Variants in PPP4R4 observed in about 807,000 individuals in gnomAD.
The protein encoded by PPP4R4 is serine/threonine-protein phosphatase 4 regulatory subunit 4.
A neutral mutation model predicts 121.8 loss-of-function variants in PPP4R4; 70 were observed. That is an observed-to-expected ratio of 0.57 (90% CI 0.47 to 0.70). PPP4R4 has a LOEUF of 0.70. PPP4R4 is among the 30% of genes least tolerant of loss of function. The pLI is 0.00. For synonymous variants in PPP4R4, 348 were observed against 355.7 expected (o/e 0.98, Z 0.24); for missense variants, 875 against 1,033.6 (o/e 0.85, Z 2.10).
chr14:94,271,391 T>C (rs1331653810), intron 23 of PPP4R4, among the ~76,000 whole-genome samples: 3 of 152,126 alleles, frequency 2.0e-5, no homozygotes, highest in African/African-American at 7.2e-5. Flanking sequence ...TACATCACAC[T>C]AACAGGCCAA....
intron 3 of PPP4R4, among the ~76,000 whole-genome samples, chr14:94,212,382 A>C (rs1890787960): frequency 6.6e-6 from 1 of 152,212 alleles, no homozygotes; most frequent in Non-Finnish European, 1.5e-5. Context: ...ATAACTAACA[A>C]AGAAGAAAAA....
At chr14:94,267,864 T>C (rs1285602713) in intron 23 of PPP4R4, among the ~76,000 whole-genome samples, 1 of 152,200 alleles carries the variant, frequency 6.6e-6, no homozygotes, top group East Asian at 1.9e-4. Context: ...TCTTTTTCTT[T>C]TTCTTTTTAA....
At chr14:94,240,919 A>C in intron 9 of PPP4R4, 124 bp downstream of exon 9, 1 of 1,209,196 alleles carries the variant, frequency 8.3e-7, no homozygotes, top group Non-Finnish European at 1.1e-6. Context: ...TAAAAATCTT[A>C]TGAGATCTTA....
intron 15 of PPP4R4, among the ~76,000 whole-genome samples, chr14:94,251,488 A>G (rs1159604056): frequency 6.6e-6 from 1 of 152,106 alleles, no homozygotes; most frequent in Non-Finnish European, 1.5e-5. Flanking sequence ...AAAGTAGTAA[A>G]TACAGTCATT....
chr14:94,224,986 T>C (rs1199753941), intron 3 of PPP4R4, among the ~76,000 whole-genome samples: 3 of 152,170 alleles, frequency 2.0e-5, no homozygotes, highest in African/African-American at 7.2e-5. Flanking sequence ...TCTAACGTAT[T>C]GTTAGAAAAC....
At chr14:94,192,367 C>T (rs1889647673) in intron 2 of PPP4R4, among the ~76,000 whole-genome samples, 1 of 151,968 alleles carries the variant, frequency 6.6e-6, no homozygotes, top group African/African-American at 2.4e-5. Context: ...GTCATCTTTG[C>T]CTTACAAGAA....
intron 3 of PPP4R4, among the ~76,000 whole-genome samples, chr14:94,214,697 T>C (rs1465374579): frequency 2.0e-5 from 3 of 152,132 alleles, no homozygotes; most frequent in Non-Finnish European, 4.4e-5. Context: ...TAACTTTACT[T>C]TTTTAAAAGT....
At chr14:94,219,795 T>C (rs1383907600) in intron 3 of PPP4R4, among the ~76,000 whole-genome samples, 2 of 152,150 alleles carry the variant, frequency 1.3e-5, no homozygotes, top group Non-Finnish European at 2.9e-5. Context: ...CCAACAACTA[T>C]TTCTGGAAAA....
intron 2 of PPP4R4, among the ~76,000 whole-genome samples, chr14:94,207,076 A>G (rs972695155): frequency 1.3e-5 from 2 of 152,036 alleles, no homozygotes; most frequent in African/African-American, 4.8e-5. Context: ...TATTGGATTT[A>G]GGGCCTAGAT....
Position 94,202,767 on chromosome 14 carries a change from A to C in PPP4R4, c.192-5697A>C, listed in dbSNP as rs186468134. Among the ~76,000 whole-genome samples the C allele has an allele frequency of 2.0e-5, 3 of 152,108 alleles. No homozygotes were observed. The East Asian group carries it at 5.8e-4, about 29-fold the overall frequency. ...GCTGAAGCAGGTGGATCATGAGGTC[A>C]AGAGATCGAGACCATCCTGGCCAAC... On this transcript the variant is annotated intron_variant, in intron 2 of 24. Transcript: ENST00000304338.
Position 94,241,802 on chromosome 14 carries a change from G to T in PPP4R4, c.991G>T (p.Asp331Tyr), listed in dbSNP as rs756047915. The T allele has an allele frequency of 5.7e-6, 9 of 1,587,590 alleles. No homozygotes were observed. Among genetic ancestry groups the T allele is most frequent in the Non-Finnish European group, 6.8e-6 (8 of 1,172,214 alleles). ...CHGLYGIFTP[D>Y]QHLRFLEFYK... ...ATTTGTTTTAGGAATTTTCACTCCA[G>T]ATCAGCACTTGAGATTTTTGGAATT... Residue 331 changes from aspartate to tyrosine, a missense_variant, in exon 10 of 25, where the codon GAT becomes TAT. Asp to Tyr is a radical substitution (Grantham distance 160). Transcript: ENST00000304338.
At chr14:94,194,603 A>T (rs1433229984) in intron 2 of PPP4R4, among the ~76,000 whole-genome samples, 2 of 152,174 alleles carry the variant, frequency 1.3e-5, no homozygotes, top group Non-Finnish European at 2.9e-5. Context: ...ATAGATCCAC[A>T]CATACTTGTT....
chr14:94,224,426 G>A (rs1248051178), intron 3 of PPP4R4, among the ~76,000 whole-genome samples: 2 of 152,118 alleles, frequency 1.3e-5, no homozygotes, highest in Admixed American at 1.3e-4. Context: ...AAAGTAGCTT[G>A]GACTATGGTG....
intron 24 of PPP4R4, among the ~76,000 whole-genome samples, chr14:94,276,271 G>T: frequency 6.6e-6 from 1 of 152,196 alleles, no homozygotes; most frequent in East Asian, 1.9e-4. Context: ...TTTAGTGAAT[G>T]CATGGGCATT....
At chr14:94,260,123 A>G (rs1893698422) in intron 19 of PPP4R4, among the ~76,000 whole-genome samples, 1 of 152,154 alleles carries the variant, frequency 6.6e-6, no homozygotes, top group Non-Finnish European at 1.5e-5. Context: ...AAAATAAAAT[A>G]AAACTAAATT....
rs79335898 is a variant in PPP4R4 at position 94,230,809 on chromosome 14, C to A, written c.442+75C>A. 1,252 of 1,442,986 alleles carry A rather than the reference C, an allele frequency of 8.7e-4. 10 individuals are homozygous for A. The African/African-American group carries it at 0.015, about 18-fold the overall frequency. The allele number at this position is 1,442,986 out of a possible 1,614,324, so 89.4% of individuals were successfully genotyped here. The stretch of plus-strand genomic sequence containing the variant: ...GTATGGCCATGATATTATATAAATA[C>A]TGTTAGCCTGATGAGGATAACTGAG... On this transcript the variant is annotated intron_variant, in intron 4 of 24. Coordinates refer to ENST00000304338, the MANE Select transcript of PPP4R4 (RefSeq NM_058237.2).
chr14:94,233,810 T>A, intron 6 of PPP4R4, 51 bp downstream of exon 6: 1 of 1,140,810 alleles, frequency 8.8e-7, no homozygotes, highest in Non-Finnish European at 1.3e-6. Flanking sequence ...TCGTTTAAAA[T>A]GTATAATGAC....
intron 3 of PPP4R4, among the ~76,000 whole-genome samples, chr14:94,218,448 T>C (rs1293522706): frequency 7.0e-5 from 5 of 71,176 alleles, no homozygotes; most frequent in Non-Finnish European, 1.4e-4. Context: ...ACACACACCC[T>C]CACCCCTAGA....
At chr14:94,187,840 G>C (rs1190088570) in intron 2 of PPP4R4, among the ~76,000 whole-genome samples, 5 of 151,992 alleles carry the variant, frequency 3.3e-5, no homozygotes. Flanking sequence ...ATTAGATTGG[G>C]GTTATGTGCT....
Sources: gnomAD v4.1 joint callset for allele counts (sites outside exome capture counted in the v4.1 genomes callset) on GRCh38, gnomAD v4.1.1 for gene constraint, MANE v1.5 for transcripts, NCBI Gene and HGNC (gene_info 2026-07-23, HGNC 2026-07-21) for gene names.